The following WDPCP variants were observed in gnomAD, a reference collection of about 807,000 sequenced individuals.
WDPCP encodes WD repeat-containing and planar cell polarity effector protein fritz homolog.
Under a neutral mutation model 93.1 loss-of-function variants are expected in WDPCP, and 71 were observed. The observed-to-expected ratio is 0.76, with a 90% CI of 0.63 to 0.93. The LOEUF (loss-of-function observed/expected upper bound fraction) is 0.93. WDPCP is among the 40% of genes least tolerant of loss of function. The pLI is 0.00. For missense variants in WDPCP, 844 were observed against 887.4 expected (o/e 0.95, Z 0.62); for synonymous variants, 315 against 315.0 (o/e 1.00, Z 0.00).
chr2:63,832,120 C>T (rs1374475662), upstream of WDPCP, among the ~76,000 whole-genome samples: 1 of 152,176 alleles, frequency 6.6e-6, no homozygotes, highest in Non-Finnish European at 1.5e-5. Context: ...ACTCATGTGG[C>T]CAGTTTGACT....
chr2:63,632,905 G>C (rs1312202945), intron 3 of WDPCP, among the ~76,000 whole-genome samples: 1 of 152,160 alleles, frequency 6.6e-6, no homozygotes, highest in Non-Finnish European at 1.5e-5. Flanking sequence ...TCAATCCAAA[G>C]AGGACTTCAC....
intron 17 of WDPCP, among the ~76,000 whole-genome samples, chr2:63,152,649 G>A (rs1338650173): frequency 6.6e-6 from 1 of 152,126 alleles, no homozygotes; most frequent in Non-Finnish European, 1.5e-5. Flanking sequence ...ACTTGAAGAT[G>A]TGTAATTTCA....
At position 63,583,551 on chromosome 2, in the gene WDPCP, C is replaced by T. The variant is rs376071585; in HGVS notation, c.75+4646G>A. ...CAAAAATTAGCTGGGTGTGGTGGCA[C>T]GTGCCTGTAGTCCCAGCTACTCAGG... On this transcript the variant is annotated intron_variant, in intron 1 of 17. Coordinates refer to ENST00000272321, the MANE Select transcript of WDPCP (RefSeq NM_015910.7). 2.8e-4 allele frequency among the ~76,000 whole-genome samples: 43 copies of T among 151,790 alleles called. 1 individual carries two copies. Among genetic ancestry groups the T allele is most frequent in the Admixed American group, 2.0e-3 (31 of 15,230 alleles).
At position 63,440,116 on chromosome 2, in the gene WDPCP, C is replaced by A. The variant is rs1182135683; in HGVS notation, c.385-245G>T. ...GCTACATGCAGAAACCTAATTTAGG[C>A]CATGTTTATTAGAAATCTAATCTTC... On this transcript the variant is annotated intron_variant, in intron 6 of 17. Coordinates refer to ENST00000272321, the MANE Select transcript of WDPCP (RefSeq NM_015910.7). 4 of 413,510 alleles carry A rather than the reference C, an allele frequency of 9.7e-6. No homozygotes were observed. The East Asian group carries it at 1.6e-4, about 17-fold the overall frequency. The allele number at this position is 413,510 out of a possible 1,614,324, so 25.6% of individuals were successfully genotyped here. A position where few individuals can be genotyped will look rare whatever the true frequency, so the allele number is the denominator to read the frequency against.
At chr2:63,481,858 C>T (rs1022299890) in intron 6 of WDPCP, among the ~76,000 whole-genome samples, 1 of 151,414 alleles carries the variant, frequency 6.6e-6, no homozygotes, top group Non-Finnish European at 1.5e-5. Flanking sequence ...TTCATGTAAC[C>T]AAACACCACC....
At chr2:63,551,232 A>T (rs1445804376) in intron 1 of WDPCP, among the ~76,000 whole-genome samples, 1 of 6,996 alleles carries the variant, frequency 1.4e-4, no homozygotes, top group East Asian at 0.5. Flanking sequence ...AAATAAATAC[A>T]AAAAAAAAAT....
chr2:63,513,323 C>G (rs1455650652), intron 1 of WDPCP, among the ~76,000 whole-genome samples: 1 of 151,904 alleles, frequency 6.6e-6, no homozygotes, highest in Non-Finnish European at 1.5e-5. Context: ...ATTGATTAAC[C>G]AAAAATGGTG....
intron 1 of WDPCP, among the ~76,000 whole-genome samples, chr2:63,498,264 A>G (rs1182885430): frequency 6.6e-6 from 1 of 152,186 alleles, no homozygotes; most frequent in African/African-American, 2.4e-5. Context: ...TCAGAAGGCC[A>G]TTTTGAATCC....
intron 2 of WDPCP, among the ~76,000 whole-genome samples, chr2:63,712,082 C>T (rs879794021): frequency 1.3e-5 from 2 of 152,096 alleles, no homozygotes; most frequent in South Asian, 2.1e-4. Flanking sequence ...TCTATTTTGG[C>T]GTAATGGGAC....
chr2:63,789,807 T>G (rs1670519929), intron 2 of WDPCP, among the ~76,000 whole-genome samples: 1 of 152,190 alleles, frequency 6.6e-6, no homozygotes, highest in Non-Finnish European at 1.5e-5. Flanking sequence ...AAGAATATGG[T>G]TACTCACCCT....
At chr2:63,428,118 T>G (rs1696454842) in intron 9 of WDPCP, among the ~76,000 whole-genome samples, 1 of 151,166 alleles carries the variant, frequency 6.6e-6, no homozygotes, top group Non-Finnish European at 1.5e-5. Flanking sequence ...TTGGACCAGA[T>G]GGATTCACAG....
rs541526534 is a variant in WDPCP, at chr2:63,156,450, A to G, written c.2079-2876T>C. Reference sequence around the variant, plus strand: ...TACATTACTAGTATATAGAAATACAATTGGGCCGGGAGCGGTGGCTCATGC... The same window carrying G: ...TACATTACTAGTATATAGAAATACAGTTGGGCCGGGAGCGGTGGCTCATGC... On this transcript the variant is annotated intron_variant, in intron 15 of 17. Coordinates refer to ENST00000272321, the MANE Select transcript of WDPCP (RefSeq NM_015910.7). Among the ~76,000 whole-genome samples, 9 of 152,168 alleles carry G rather than the reference A, an allele frequency of 5.9e-5. No homozygotes were observed. In the East Asian group the frequency reaches 1.4e-3, roughly 23 times the overall value.
intron 14 of WDPCP, among the ~76,000 whole-genome samples, chr2:63,250,081 G>A (rs981749682): frequency 1.3e-5 from 2 of 152,136 alleles, no homozygotes; most frequent in Non-Finnish European, 2.9e-5. Flanking sequence ...CTCACTGAGA[G>A]CACCATAAGA....
intron 6 of WDPCP, among the ~76,000 whole-genome samples, chr2:63,468,735 T>G (rs1575478059): frequency 6.6e-6 from 1 of 152,170 alleles, no homozygotes; most frequent in African/African-American, 2.4e-5. Context: ...TTTCTTTCTG[T>G]CTGTCTCTCT....
the WDPCP span, among the ~76,000 whole-genome samples, chr2:63,835,382 T>A: frequency 1.8e-5 from 2 of 112,960 alleles, no homozygotes; most frequent in South Asian, 3.0e-4. Context: ...AGAGCGAGAC[T>A]CCATCTCAAA....
At chr2:63,376,931 A>G (rs1691897414) in intron 12 of WDPCP, among the ~76,000 whole-genome samples, 1 of 151,924 alleles carries the variant, frequency 6.6e-6, no homozygotes, top group African/African-American at 2.4e-5. Flanking sequence ...TAGAACATGA[A>G]TATCTACACA....
At chr2:63,184,614 G>A (rs1463730454) in intron 14 of WDPCP, among the ~76,000 whole-genome samples, 1 of 151,836 alleles carries the variant, frequency 6.6e-6, no homozygotes, top group Non-Finnish European at 1.5e-5. Context: ...CTTTACAAGT[G>A]ACTAGATGAT....
intron 2 of WDPCP, among the ~76,000 whole-genome samples, chr2:63,672,543 C>A (rs1710358999): frequency 6.6e-6 from 1 of 151,822 alleles, no homozygotes; most frequent in South Asian, 2.1e-4. Flanking sequence ...CTTGAGAGAC[C>A]AAGATTTTCT....
intron 2 of WDPCP, among the ~76,000 whole-genome samples, chr2:63,728,323 G>A (rs1279435128): frequency 6.6e-6 from 1 of 152,160 alleles, no homozygotes; most frequent in African/African-American, 2.4e-5. Flanking sequence ...ATTCAAAGGA[G>A]CTTACTTGGC....
Sources: allele counts gnomAD v4.1 joint callset (sites outside exome capture counted in the v4.1 genomes callset), GRCh38; gene constraint gnomAD v4.1.1; transcripts MANE v1.5; gene names NCBI Gene and HGNC (gene_info 2026-07-23, HGNC 2026-07-21).